Variants in MAPKAPK3 observed in about 807,000 individuals in gnomAD.
The protein encoded by MAPKAPK3 is MAPK activated protein kinase 3, also known as MAP kinase-activated protein kinase 3.
MAPKAPK3 carries 35 observed loss-of-function variants against 49.2 expected under a neutral mutation model. The observed-to-expected ratio is 0.71, with a 90% confidence interval of 0.54 to 0.94. The LOEUF is 0.94. Among genes scored for constraint, MAPKAPK3 ranks in the 40% least tolerant of loss-of-function variants. MAPKAPK3 has a pLI of 0.00. For missense variants in MAPKAPK3, 398 were observed against 493.1 expected, an observed-to-expected ratio of 0.81 and a Z score of 1.83; for synonymous variants, 178 against 188.7, an observed-to-expected ratio of 0.94 and a Z score of 0.46.
At position 50,646,679 on chromosome 3, in the gene MAPKAPK3, G is replaced by A. The variant is rs2033306509; in HGVS notation, c.830-61G>A. On this transcript the variant is annotated intron_variant, in intron 8 of 10. Transcript: ENST00000621469. The stretch of plus-strand genomic sequence containing the variant: ...CCCAGCAGAGCTTGTGGTCTGTGGG[G>A]AAGGGTGGAGGGGCTGGCTCTGCAA... 8.9e-6 allele frequency: 13 copies of A among 1,467,872 alleles called. No homozygotes were observed. The South Asian group carries it at 1.5e-4, about 17-fold the overall frequency. The allele number at this position is 1,467,872 out of a possible 1,614,324, so 90.9% of individuals were successfully genotyped here.
rs1211001436 is a variant in MAPKAPK3 at position 50,647,192 on chromosome 3, G to C, written c.985G>C (p.Asp329His). Residue 329 changes from aspartate to histidine, a missense_variant, in exon 10 of 11, where the codon GAC (aspartate) becomes CAC (histidine). Coordinates refer to ENST00000621469, the MANE Select transcript of MAPKAPK3 (RefSeq NM_001243925.2). ...GCTGCAGGAGGACAAAGACCACTGG[G>C]ACGAAGTCAAGGTGGGTGGGCTCTG... Reference protein sequence around the residue: ...RVLQEDKDHWDEVKEEMTSAL... With the variant: ...RVLQEDKDHWHEVKEEMTSAL... 1 of 1,591,458 alleles carries C rather than the reference G, an allele frequency of 6.3e-7. No homozygotes were observed.
Position 50,648,390 on chromosome 3 carries a change from T to G in MAPKAPK3, c.*344T>G. 5.2e-6 allele frequency: 1 copy of G among 191,554 alleles called. No homozygotes were observed. Among genetic ancestry groups the G allele is most frequent in the Non-Finnish European group, 1.1e-5 (1 of 92,742 alleles). 11.9% of individuals were successfully genotyped at this position (191,554 alleles called of 1,614,324 possible). ...GGCCACTGGGAGTTGTGGCTGGGCT[T>G]CCCATCTTCCACAGAGACATCTCCC... is the stretch of plus-strand genomic sequence containing the variant. On this transcript the variant is annotated 3_prime_UTR_variant, in exon 11 of 11. Transcript: ENST00000621469.
chr3:50,633,806 T>G (rs1235915183), intron 2 of MAPKAPK3, among the ~76,000 whole-genome samples: 1 of 152,230 alleles, frequency 6.6e-6, no homozygotes, highest in African/African-American at 2.4e-5. Flanking sequence ...GCAGAGTGTT[T>G]TGTAAACTGC....
Position 50,642,259 on chromosome 3 carries a change from C to T in MAPKAPK3, c.431C>T (p.Ala144Val). 3.1e-6 allele frequency: 5 copies of T among 1,612,278 alleles called. No individual in the cohort carries two copies. The highest frequency in any genetic ancestry group is 4.2e-6 in the Non-Finnish European group (5 of 1,178,598). The change falls in exon 5 of 11, where the codon GCA becomes GTA. Residue 144 changes from alanine to valine, a missense_variant. Ala to Val is a moderately conservative substitution (Grantham distance 64). This residue lies in a region of MAPKAPK3 where 52 missense variants were observed against 91.9 expected (regional missense o/e 0.57). Coordinates refer to ENST00000621469, the MANE Select transcript of MAPKAPK3 (RefSeq NM_001243925.2). ...GDQAFTEREA[A>V]EIMRDIGTAI... is the part of the protein sequence containing the mutation. ...TCCTCCTCTGTTTCTGCAGAAGCTG[C>T]AGAGATAATGCGGGATATTGGCACT...
At chr3:50,645,863 C>G (rs891940787) in intron 7 of MAPKAPK3, 78 bp downstream of exon 7, 57 of 1,306,398 alleles carry the variant, frequency 4.4e-5, no homozygotes, top group Admixed American at 1.4e-4. Context: ...CTTCTGTCCC[C>G]CCACCCCCAT....
At chr3:50,624,318 T>A (rs1162817820) in intron 2 of MAPKAPK3, among the ~76,000 whole-genome samples, 1 of 152,142 alleles carries the variant, frequency 6.6e-6, no homozygotes, top group Non-Finnish European at 1.5e-5. Flanking sequence ...TGTGTGTGCA[T>A]GTGTGTGACA....
At chr3:50,618,839 G>C (rs2032538156) in intron 2 of MAPKAPK3, among the ~76,000 whole-genome samples, 2 of 152,152 alleles carry the variant, frequency 1.3e-5, no homozygotes, top group Non-Finnish European at 2.9e-5. Context: ...ACAGGCGTGC[G>C]CCACCACGCC....
intron 2 of MAPKAPK3, among the ~76,000 whole-genome samples, chr3:50,624,577 A>G (rs572919091): frequency 6.6e-6 from 1 of 152,252 alleles, no homozygotes; most frequent in East Asian, 1.9e-4. Flanking sequence ...TGTTCAGACT[A>G]TATGGGAAGG....
upstream of MAPKAPK3, chr3:50,611,618 G>A: frequency 6.6e-7 from 1 of 1,520,750 alleles, no homozygotes; most frequent in Non-Finnish European, 8.8e-7. Context: ...AGGGGGCAGA[G>A]AGCCGCGCTT....
intron 6 of MAPKAPK3, 33 bp downstream of exon 6, chr3:50,644,565 A>T (rs774830122): frequency 6.2e-7 from 1 of 1,611,812 alleles, no homozygotes; most frequent in Admixed American, 1.7e-5. Flanking sequence ...GTAACTCCTC[A>T]CCCCAACTTA....
upstream of MAPKAPK3, among the ~76,000 whole-genome samples, chr3:50,614,651 A>T (rs1022155563): frequency 6.6e-6 from 1 of 152,038 alleles, no homozygotes; most frequent in African/African-American, 2.4e-5. Context: ...CCCACTCCTG[A>T]CCAGACCTAG....
chr3:50,617,057 T>C (rs1473788894), upstream of MAPKAPK3: 1 of 113,902 alleles, frequency 8.8e-6, no homozygotes, highest in Non-Finnish European at 1.8e-5. Context: ...GGGCCCCAAG[T>C]TGGGATGACG....
chr3:50,615,742 A>G (rs764652276), upstream of MAPKAPK3, among the ~76,000 whole-genome samples: 3 of 152,198 alleles, frequency 2.0e-5, no homozygotes, highest in Non-Finnish European at 4.4e-5. Context: ...AGCTGAGGCT[A>G]TTGTCTGGAG....
At chr3:50,613,389 G>A (rs1269469584), upstream of MAPKAPK3, among the ~76,000 whole-genome samples, 2 of 152,194 alleles carry the variant, frequency 1.3e-5, no homozygotes, top group East Asian at 1.9e-4. Flanking sequence ...AAGGGAAGCC[G>A]GGCTTCATGA....
chr3:50,646,293 C>T (rs2033295147), intron 8 of MAPKAPK3, 29 bp downstream of exon 8: 2 of 1,612,780 alleles, frequency 1.2e-6, no homozygotes, highest in East Asian at 4.5e-5. Context: ...CCCAGCCTGA[C>T]TCACCTGGCC....
chr3:50,616,152 C>T (rs1452683153), upstream of MAPKAPK3, among the ~76,000 whole-genome samples: 4 of 152,330 alleles, frequency 2.6e-5, no homozygotes, highest in South Asian at 8.3e-4. Flanking sequence ...CTGAGCCGCA[C>T]CTTCCCAGTT....
rs1488933589 is a variant in MAPKAPK3, at chr3:50,645,767, G to T, written c.686G>T (p.Gly229Val). ...AAGTCATGTGACATGTGGTCCCTGG[G>T]TGTCATCATGTACATCCTGTGAGTA... ...YDKSCDMWSL[G>V]VIMYILLCGF... Residue 229 changes from glycine to valine, a missense_variant, in exon 7 of 11, where the codon GGT becomes GTT. Gly to Val is a moderately radical substitution (Grantham distance 109). Coordinates refer to ENST00000621469, the MANE Select transcript of MAPKAPK3 (RefSeq NM_001243925.2). 6.2e-7 allele frequency: 1 copy of T among 1,614,098 alleles called. No individual in the cohort carries two copies. The highest frequency in any genetic ancestry group is 1.1e-5 in the South Asian group (1 of 91,086).
At chr3:50,642,362 C>G in intron 5 of MAPKAPK3, 30 bp downstream of exon 5, 1 of 1,556,584 alleles carries the variant, frequency 6.4e-7, no homozygotes, top group Non-Finnish European at 8.8e-7. Flanking sequence ...GTTGGGGGCC[C>G]GGGGAAGAGG....
chr3:50,639,635 G>A (rs1376820386), intron 2 of MAPKAPK3, among the ~76,000 whole-genome samples: 1 of 152,156 alleles, frequency 6.6e-6, no homozygotes, highest in Non-Finnish European at 1.5e-5. Context: ...CCCTACAGGA[G>A]TGTGGCCTTG....
Sources: allele counts gnomAD v4.1 joint callset (sites outside exome capture counted in the v4.1 genomes callset), GRCh38; gene constraint gnomAD v4.1.1; regional missense constraint gnomAD v4.1.1; transcripts MANE v1.5; gene names NCBI Gene and HGNC (gene_info 2026-07-23, HGNC 2026-07-21).